FGF14: variants seen among roughly 807,000 people sequenced by gnomAD.
The protein encoded by FGF14 is fibroblast growth factor 14.
Under a neutral mutation model 25.5 loss-of-function variants are expected in FGF14, and 5 were observed. That is an observed-to-expected ratio of 0.20 (90% CI 0.10 to 0.41). The LOEUF (loss-of-function observed/expected upper bound fraction) is 0.41, where lower values mean the gene tolerates loss of function less well. Among genes scored for constraint, FGF14 ranks in the 10% least tolerant of loss-of-function variants. The pLI is 1.00. For missense variants in FGF14, 222 were observed against 320.1 expected (o/e 0.69, Z 2.34); for synonymous variants, 138 against 118.3 (o/e 1.17, Z -1.08).
chr13:101,713,397 C>G lies in FGF14; in HGVS notation c.*9434G>C, dbSNP rs1013434103. On this transcript the variant is annotated 3_prime_UTR_variant, in exon 5 of 5. Transcript: ENST00000376143. Reference sequence around the variant, plus strand: ...AATTCTGCAGTTTTGTTAAATATGTCAAAATACTCTTTTCAACTGCACATT... The same window carrying G: ...AATTCTGCAGTTTTGTTAAATATGTGAAAATACTCTTTTCAACTGCACATT... 6.6e-6 allele frequency: 1 copy of G among 152,008 alleles called. No homozygotes were observed. Among genetic ancestry groups the G allele is most frequent in the Non-Finnish European group, 1.5e-5 (1 of 68,004 alleles). The allele number at this position is 152,008 out of a possible 1,614,324, so 9.4% of individuals were successfully genotyped here.
intron 1 of FGF14, among the ~76,000 whole-genome samples, chr13:101,964,981 C>T (rs1325319201): frequency 6.6e-6 from 1 of 152,136 alleles, no homozygotes; most frequent in Non-Finnish European, 1.5e-5. Context: ...GTGGGTCATG[C>T]CTGTAATCCC....
intron 1 of FGF14, among the ~76,000 whole-genome samples, chr13:102,077,765 C>A (rs1460247951): frequency 2.6e-5 from 4 of 152,092 alleles, no homozygotes; most frequent in Non-Finnish European, 4.4e-5. Context: ...TATCACATGA[C>A]CCAGCAATCC....
intron 1 of FGF14, among the ~76,000 whole-genome samples, chr13:102,039,053 G>C: frequency 6.6e-6 from 1 of 152,174 alleles, no homozygotes; most frequent in South Asian, 2.1e-4. Context: ...TATGTAATAG[G>C]GGAAAATAGA....
At chr13:101,723,881 C>T (rs1038246634) in intron 4 of FGF14, among the ~76,000 whole-genome samples, 49 of 152,138 alleles carry the variant, frequency 3.2e-4, no homozygotes, top group African/African-American at 1.1e-3. Flanking sequence ...TAGAGCTGCC[C>T]AAACTGCTTT....
intron 3 of FGF14, among the ~76,000 whole-genome samples, chr13:101,828,874 T>C (rs9645900): frequency 0.58 from 87,601 of 151,900 alleles, 25,819 homozygotes; most frequent in East Asian, 0.93. Context: ...AGAGAACTAG[T>C]TCCACCGTAG....
At chr13:101,944,006 A>C (rs2035641805) in intron 1 of FGF14, among the ~76,000 whole-genome samples, 2 of 130,652 alleles carry the variant, frequency 1.5e-5, no homozygotes, top group South Asian at 2.1e-4. Flanking sequence ...CTCAAAAAAA[A>C]AAAAAAAACA....
At chr13:101,996,441 G>A (rs1418104785) in intron 1 of FGF14, among the ~76,000 whole-genome samples, 1 of 152,162 alleles carries the variant, frequency 6.6e-6, no homozygotes. Context: ...TGGGGGCTGA[G>A]TAATTCAGGT....
chr13:101,875,271 G>C lies in FGF14; in HGVS notation c.219C>G (p.Thr73=). 6.2e-7 allele frequency: 1 copy of C among 1,613,110 alleles called. No individual in the cohort carries two copies. The highest frequency in any genetic ancestry group is 1.7e-5 in the Admixed American group (1 of 59,970). The change falls in exon 2 of 5, where the codon ACC becomes ACG. Residue 73 remains threonine (T), a synonymous_variant. Transcript: ENST00000376143. Reference sequence around the variant, plus strand: ...AGTAGCCTTGCCTGCAATATAACCTGGTCACTATACCCTTGAGCTGGGGAT... The same window carrying C: ...AGTAGCCTTGCCTGCAATATAACCTCGTCACTATACCCTTGAGCTGGGGAT... ...RQDPQLKGIV[T]RLYCRQGYYL... is the part of the protein sequence containing the mutation.
intron 1 of FGF14, among the ~76,000 whole-genome samples, chr13:102,063,731 A>G (rs577442954): frequency 3.9e-4 from 59 of 152,338 alleles, no homozygotes; most frequent in African/African-American, 1.4e-3. Context: ...AGGTAATGCA[A>G]TAACATATAA....
At chr13:101,948,134 A>G (rs1003454190) in intron 1 of FGF14, among the ~76,000 whole-genome samples, 5 of 152,246 alleles carry the variant, frequency 3.3e-5, no homozygotes, top group Admixed American at 6.5e-5. Flanking sequence ...AAAACTTAGC[A>G]ATGGTACATA....
At chr13:102,349,128 G>A (rs372765246) in intron 1 of FGF14, among the ~76,000 whole-genome samples, 7 of 152,116 alleles carry the variant, frequency 4.6e-5, no homozygotes, top group African/African-American at 1.4e-4. Context: ...CAATTCACAG[G>A]AAAGCTCCCC....
At chr13:101,874,521 T>C (rs2045287166) in intron 2 of FGF14, among the ~76,000 whole-genome samples, 1 of 151,824 alleles carries the variant, frequency 6.6e-6, no homozygotes, top group Non-Finnish European at 1.5e-5. Flanking sequence ...ACACAGACAG[T>C]TGAGTAAGGA....
intron 1 of FGF14, among the ~76,000 whole-genome samples, chr13:102,216,645 T>C (rs1018931854): frequency 1.3e-5 from 2 of 152,196 alleles, no homozygotes; most frequent in African/African-American, 4.8e-5. Flanking sequence ...TAAACACTTA[T>C]TGTTTGTGAT....
Position 101,893,737 on chromosome 13 carries a change from A to G in FGF14, c.194-18441T>C, listed in dbSNP as rs542413135. On this transcript the variant is annotated intron_variant, in intron 1 of 4. Coordinates refer to ENST00000376143, the MANE Select transcript of FGF14 (RefSeq NM_004115.4). ...AATGGATTCTTTTCTACAGCTTCCA[A>G]AAAGGATCAGAGCCCTACTGACAAG... 3.9e-5 allele frequency among the ~76,000 whole-genome samples: 6 copies of G among 152,320 alleles called. No individual in the cohort carries two copies. In the South Asian group the frequency reaches 1.2e-3, roughly 32 times the overall value.
At chr13:102,339,986 A>G (rs980581505) in intron 1 of FGF14, among the ~76,000 whole-genome samples, 3 of 152,246 alleles carry the variant, frequency 2.0e-5, no homozygotes, top group African/African-American at 7.2e-5. Flanking sequence ...GAGGTTAACG[A>G]CACACGGAAT....
intron 1 of FGF14, among the ~76,000 whole-genome samples, chr13:102,385,695 T>A (rs2058285684): frequency 6.6e-6 from 1 of 152,208 alleles, no homozygotes; most frequent in Admixed American, 6.5e-5. Flanking sequence ...ACTATTAATA[T>A]CAATCCTTTC....
intron 1 of FGF14, among the ~76,000 whole-genome samples, chr13:101,894,351 T>C (rs1005478962): frequency 6.6e-6 from 1 of 152,132 alleles, no homozygotes; most frequent in Admixed American, 6.6e-5. Flanking sequence ...TGCTTCTAAT[T>C]GAAGAAACAC....
intron 1 of FGF14, chr13:102,046,090 GA>G (rs2041969170): frequency 6.5e-6 from 1 of 154,258 alleles, no homozygotes; most frequent in Admixed American, 6.6e-5. Context: ...TCTTGCACAA[GA>G]AAAAAGAGAT....
At chr13:102,288,832 G>A (rs2054237530) in intron 1 of FGF14, among the ~76,000 whole-genome samples, 1 of 152,070 alleles carries the variant, frequency 6.6e-6, no homozygotes, top group South Asian at 2.1e-4. Context: ...TGATCCGCCT[G>A]CCTTGGCCTC....
Sources: gnomAD v4.1 joint callset for allele counts (sites outside exome capture counted in the v4.1 genomes callset) on GRCh38, gnomAD v4.1.1 for gene constraint, MANE v1.5 for transcripts, NCBI Gene and HGNC (gene_info 2026-07-23, HGNC 2026-07-21) for gene names.